Variants in C1D observed in about 807,000 individuals in gnomAD.
C1D encodes C1D nuclear receptor corepressor, also known as nuclear nucleic acid-binding protein C1D.
Under a neutral mutation model 17.5 loss-of-function variants are expected in C1D, and 10 were observed. The ratio of observed to expected loss-of-function variants is 0.57; its 90% CI spans 0.35 to 0.97. C1D has a LOEUF of 0.97. C1D is among the 50% of genes least tolerant of loss of function. The pLI, the probability that C1D is intolerant of heterozygous loss-of-function variation, is 0.01. For missense variants in C1D, 136 were observed against 160.1 expected (o/e 0.85, Z 0.81); for synonymous variants, 49 against 54.0 (o/e 0.91, Z 0.40).
At chr2:68,045,282 CAAAG>C (rs1244878849) in intron 4 of C1D, among the ~76,000 whole-genome samples, 1 of 152,074 alleles carries the variant, frequency 6.6e-6, no homozygotes, top group African/African-American at 2.4e-5. Context: ...TTTATAAACA[CAAAG>C]AATCAATTTA....
chr2:68,041,856 C>T lies in C1D; in HGVS notation c.*1033G>A, dbSNP rs757444410. The stretch of plus-strand genomic sequence containing the variant: ...GCATTAAGGGCATATAATTAAAATT[C>T]ATGGGCTTAGACATTTAAAAAAAGG... On this transcript the variant is annotated 3_prime_UTR_variant, in exon 5 of 5. Coordinates refer to ENST00000410067, the MANE Select transcript of C1D (RefSeq NM_173177.3). 1 of 151,966 alleles carries T rather than the reference C, an allele frequency of 6.6e-6. No individual in the cohort carries two copies. Among genetic ancestry groups the T allele is most frequent in the African/African-American group, 2.4e-5 (1 of 41,416 alleles). The allele number at this position is 151,966 out of a possible 1,614,324, so 9.4% of individuals were successfully genotyped here.
intron 1 of C1D, among the ~76,000 whole-genome samples, chr2:68,062,399 G>T (rs1671659810): frequency 6.6e-6 from 1 of 152,122 alleles, no homozygotes; most frequent in South Asian, 2.1e-4. Context: ...AACTTATCCG[G>T]GTCATCAAGA....
At chr2:68,044,451 G>C (rs1307001976) in intron 4 of C1D, among the ~76,000 whole-genome samples, 1 of 152,244 alleles carries the variant, frequency 6.6e-6, no homozygotes, top group Non-Finnish European at 1.5e-5. Flanking sequence ...AACAGGCTCT[G>C]TAATCCCAGC....
Position 68,048,309 on chromosome 2 carries a change from C to T in C1D, c.-9-990G>A, listed in dbSNP as rs1412913648. 2.6e-5 allele frequency among the ~76,000 whole-genome samples: 4 copies of T among 152,104 alleles called. No individual in the cohort carries two copies. The East Asian group carries it at 7.7e-4, about 29-fold the overall frequency. On this transcript the variant is annotated intron_variant, in intron 1 of 4. Transcript: ENST00000410067. ...TTTTTTGTATTAACAGAAATACCTC[C>T]TTTATCACATAGGTAAGGAGAACAG...
intron 1 of C1D, among the ~76,000 whole-genome samples, chr2:68,055,278 C>T (rs1412761842): frequency 2.6e-5 from 4 of 152,058 alleles, no homozygotes; most frequent in Non-Finnish European, 5.9e-5. Flanking sequence ...TACACAGCAC[C>T]ATCTGCAAAG....
At chr2:68,061,200 G>A (rs1016686004) in intron 1 of C1D, among the ~76,000 whole-genome samples, 34 of 152,028 alleles carry the variant, frequency 2.2e-4, no homozygotes, top group African/African-American at 7.3e-4. Flanking sequence ...TGACTTTTTC[G>A]CACTGCATTA....
At position 68,042,901 on chromosome 2, in the gene C1D, T is replaced by C. The variant is rs1198807167; in HGVS notation, c.414A>G (p.Lys138=). ...CAAAACCAAAAAGTTAACTTTTACT[T>C]TTTCCTTTATTGGCAACTTTTGATG... ...KNASKVANKG[K]SKS is the part of the protein sequence containing the mutation. Residue 138 remains lysine, a synonymous_variant, in exon 5 of 5, where the codon AAA becomes AAG. Transcript: ENST00000410067. 6.3e-7 allele frequency: 1 copy of C among 1,583,956 alleles called. No individual in the cohort carries two copies. The highest frequency in any genetic ancestry group is 1.7e-5 in the Admixed American group (1 of 58,398).
At position 68,041,971 on chromosome 2, in the gene C1D, C is replaced by G. The variant is rs572312040; in HGVS notation, c.*918G>C. 1 of 152,116 alleles carries G rather than the reference C, an allele frequency of 6.6e-6. No homozygotes were observed. Among genetic ancestry groups the G allele is most frequent in the Non-Finnish European group, 1.5e-5 (1 of 67,904 alleles). 9.4% of individuals were successfully genotyped at this position (152,116 alleles called of 1,614,324 possible). A position where few individuals can be genotyped will look rare whatever the true frequency, so the allele number is the denominator to read the frequency against. On this transcript the variant is annotated 3_prime_UTR_variant, in exon 5 of 5. Transcript: ENST00000410067. ...TAATCTCCTTTGGACTTCTCATCTG[C>G]TTAAGTGGCATTAGGTAACTTAAGA... is the stretch of plus-strand genomic sequence containing the variant.
rs180727801 is a variant in C1D at position 68,050,821 on chromosome 2, T to C, written c.-9-3502A>G. ...CCAGCTGCATACTCAATATCTCTGG[T>C]TGGATGTCTAATAAATTCTCAAACA... is the stretch of plus-strand genomic sequence containing the variant. On this transcript the variant is annotated intron_variant, in intron 1 of 4. Transcript: ENST00000410067. Among the ~76,000 whole-genome samples the C allele has an allele frequency of 3.3e-5, 5 of 152,324 alleles. No homozygotes were observed. The East Asian group carries it at 9.6e-4, about 29-fold the overall frequency.
rs1215082458 is a variant in C1D at position 68,041,601 on chromosome 2, T to C, written c.*1288A>G. 1 of 152,062 alleles carries C rather than the reference T, an allele frequency of 6.6e-6. No homozygotes were observed. Among genetic ancestry groups the C allele is most frequent in the Non-Finnish European group, 1.5e-5 (1 of 67,884 alleles). 9.4% of individuals were successfully genotyped at this position (152,062 alleles called of 1,614,324 possible). ...AGAAAAGACCTTCTGCGTCTATCAG[T>C]GACTTCCTCTTCATGTGTCATAGAA... On this transcript the variant is annotated 3_prime_UTR_variant, in exon 5 of 5. Coordinates refer to ENST00000410067, the MANE Select transcript of C1D (RefSeq NM_173177.3).
intron 1 of C1D, among the ~76,000 whole-genome samples, chr2:68,049,218 A>T (rs938503958): frequency 5.3e-5 from 8 of 151,974 alleles, no homozygotes; most frequent in Non-Finnish European, 8.8e-5. Context: ...AAAAAGAGCA[A>T]ATGGGATCAG....
intron 1 of C1D, among the ~76,000 whole-genome samples, chr2:68,052,499 C>A (rs1671318910): frequency 6.6e-6 from 1 of 152,064 alleles, no homozygotes; most frequent in African/African-American, 2.4e-5. Flanking sequence ...TCAAATTTTC[C>A]TACGAGAAAA....
chr2:68,045,438 T>C (rs910198340), intron 4 of C1D, among the ~76,000 whole-genome samples: 1 of 152,214 alleles, frequency 6.6e-6, no homozygotes, highest in Non-Finnish European at 1.5e-5. Flanking sequence ...ACTGTACTTA[T>C]ACATCTAAAT....
intron 1 of C1D, among the ~76,000 whole-genome samples, chr2:68,048,634 T>C (rs1350734509): frequency 6.6e-6 from 1 of 151,634 alleles, no homozygotes; most frequent in East Asian, 1.9e-4. Flanking sequence ...AAAAATAAAG[T>C]GAAGTCTATC....
At chr2:68,050,190 TC>T (rs376903520) in intron 1 of C1D, among the ~76,000 whole-genome samples, 130 of 152,230 alleles carry the variant, frequency 8.5e-4, no homozygotes, top group African/African-American at 2.9e-3. Flanking sequence ...TAAAATGTCC[TC>T]CTCAAACTTG....
intron 1 of C1D, among the ~76,000 whole-genome samples, chr2:68,059,411 A>T (rs561181296): frequency 5.9e-5 from 9 of 152,272 alleles, no homozygotes; most frequent in African/African-American, 2.2e-4. Context: ...GCCTAGTGAA[A>T]CTTATCAATC....
chr2:68,059,170 G>A (rs1301746775), intron 1 of C1D, among the ~76,000 whole-genome samples: 1 of 152,192 alleles, frequency 6.6e-6, no homozygotes, highest in African/African-American at 2.4e-5. Context: ...GCAAGAGAAA[G>A]AGGAGCTTCC....
intron 4 of C1D, among the ~76,000 whole-genome samples, chr2:68,043,591 A>T (rs995233197): frequency 1.3e-5 from 2 of 152,240 alleles, no homozygotes; most frequent in African/African-American, 4.8e-5. Flanking sequence ...TGGTAAGTAC[A>T]TGAAATTTTC....
At chr2:68,043,878 G>A (rs898759837) in intron 4 of C1D, among the ~76,000 whole-genome samples, 19 of 152,150 alleles carry the variant, frequency 1.2e-4, no homozygotes, top group Admixed American at 5.9e-4. Flanking sequence ...CTCTAGTGAC[G>A]TCCCATTTCT....
Sources: gnomAD v4.1 joint callset for allele counts (sites outside exome capture counted in the v4.1 genomes callset) on GRCh38, gnomAD v4.1.1 for gene constraint, MANE v1.5 for transcripts, NCBI Gene and HGNC (gene_info 2026-07-23, HGNC 2026-07-21) for gene names.